The following PTPRD variants were observed in gnomAD, a reference collection of about 807,000 sequenced individuals.
PTPRD encodes protein tyrosine phosphatase receptor type D, also known as receptor-type tyrosine-protein phosphatase delta.
Under a neutral mutation model 214.5 loss-of-function variants are expected in PTPRD, and 34 were observed. That is an observed-to-expected ratio of 0.16 (90% CI 0.12 to 0.21). The LOEUF is 0.21. Among genes scored for constraint, PTPRD ranks in the 10% least tolerant of loss-of-function variants. The probability of loss-of-function intolerance (pLI) is 1.00; values close to 1 mark genes in which losing one functional copy is unlikely to be tolerated. For synonymous variants in PTPRD, 1,128 were observed against 845.7 expected (o/e 1.33, Z -5.79); for missense variants, 2,545 against 2,398.7 (o/e 1.06, Z -1.27).
At chr9:10,558,472 G>A (rs74800983) in intron 2 of PTPRD, among the ~76,000 whole-genome samples, 10 of 151,964 alleles carry the variant, frequency 6.6e-5, no homozygotes, top group Middle Eastern at 6.3e-3. Context: ...TCATCATGTT[G>A]TCTGAACCTT....
At chr9:9,122,856 C>G (rs370200781) in intron 10 of PTPRD, among the ~76,000 whole-genome samples, 2 of 152,162 alleles carry the variant, frequency 1.3e-5, no homozygotes, top group East Asian at 3.9e-4. Context: ...CAAACCCAAT[C>G]CCATTTCCAG....
At chr9:9,620,210 A>C (rs1225356934) in intron 7 of PTPRD, among the ~76,000 whole-genome samples, 1 of 152,116 alleles carries the variant, frequency 6.6e-6, no homozygotes, top group East Asian at 1.9e-4. Flanking sequence ...GCACAGCCCT[A>C]ATGTTGAAAT....
At chr9:9,470,207 T>A (rs112358120) in intron 8 of PTPRD, among the ~76,000 whole-genome samples, 2,719 of 152,280 alleles carry the variant, frequency 0.018, 68 homozygotes, top group African/African-American at 0.061. Flanking sequence ...ATTAGATTTA[T>A]ATTTGTATGG....
At chr9:10,300,009 T>G (rs1345674932) in intron 3 of PTPRD, among the ~76,000 whole-genome samples, 3 of 152,188 alleles carry the variant, frequency 2.0e-5, no homozygotes, top group Non-Finnish European at 4.4e-5. Context: ...TTATATTCAT[T>G]GCACTAATAA....
intron 7 of PTPRD, among the ~76,000 whole-genome samples, chr9:9,593,869 C>A (rs1051084340): frequency 2.0e-5 from 3 of 151,990 alleles, no homozygotes; most frequent in Non-Finnish European, 4.4e-5. Context: ...AGGAGTGACA[C>A]CCCTCATGAC....
At chr9:10,073,844 G>A (rs2098082386) in intron 3 of PTPRD, among the ~76,000 whole-genome samples, 1 of 152,078 alleles carries the variant, frequency 6.6e-6, no homozygotes, top group South Asian at 2.1e-4. Flanking sequence ...ACTGGGTTCT[G>A]AGAATTTTTG....
intron 2 of PTPRD, among the ~76,000 whole-genome samples, chr9:10,560,828 C>G (rs1030604831): frequency 6.6e-6 from 1 of 152,154 alleles, no homozygotes; most frequent in Non-Finnish European, 1.5e-5. Flanking sequence ...TCAATAGCAA[C>G]AGGATGCTAG....
intron 45 of PTPRD, among the ~76,000 whole-genome samples, chr9:8,318,766 C>T (rs548611168): frequency 9.3e-4 from 142 of 151,892 alleles, no homozygotes; most frequent in African/African-American, 1.6e-3. Flanking sequence ...TTTCAGACAA[C>T]GAAGAACACT....
At chr9:8,595,337 C>G (rs1260402304) in intron 14 of PTPRD, among the ~76,000 whole-genome samples, 1 of 151,998 alleles carries the variant, frequency 6.6e-6, no homozygotes, top group Non-Finnish European at 1.5e-5. Flanking sequence ...TGTTGACATA[C>G]AAAACCATAT....
intron 2 of PTPRD, among the ~76,000 whole-genome samples, chr9:10,588,637 T>A (rs1482463645): frequency 6.6e-6 from 1 of 152,034 alleles, no homozygotes; most frequent in Non-Finnish European, 1.5e-5. Flanking sequence ...TTGCTCAGTA[T>A]TTTAAAATTT....
chr9:9,625,014 G>A (rs2095373291), intron 7 of PTPRD, among the ~76,000 whole-genome samples: 1 of 152,058 alleles, frequency 6.6e-6, no homozygotes, highest in Non-Finnish European at 1.5e-5. Flanking sequence ...GATTTACAGG[G>A]CCAAAAATAA....
chr9:9,432,773 A>T (rs2083711583), intron 8 of PTPRD, among the ~76,000 whole-genome samples: 1 of 152,352 alleles, frequency 6.6e-6, no homozygotes, highest in East Asian at 1.9e-4. Context: ...GAAAAGAATA[A>T]GCCCTCAAAC....
At chr9:8,948,549 ATATT>A (rs2099084577) in intron 11 of PTPRD, among the ~76,000 whole-genome samples, 1 of 88,232 alleles carries the variant, frequency 1.1e-5, no homozygotes, top group African/African-American at 4.4e-5. Flanking sequence ...ATATTTATAT[ATATT>A]TATATATATT....
rs1237114594 is a variant in PTPRD at position 8,448,427 on chromosome 9, G to T, written c.3988+1298C>A. ...CTATTTCAAAAAGCGCTGACCCAAT[G>T]AAATTTACTACAGTAACTTAATTCA... is the stretch of plus-strand genomic sequence containing the variant. On this transcript the variant is annotated intron_variant, in intron 34 of 45. Transcript: ENST00000381196. Among the ~76,000 whole-genome samples, 3 of 152,172 alleles carry T rather than the reference G, an allele frequency of 2.0e-5. No individual in the cohort carries two copies. In the South Asian group the frequency reaches 6.2e-4, roughly 32 times the overall value.
intron 11 of PTPRD, among the ~76,000 whole-genome samples, chr9:8,767,608 C>G (rs2094861162): frequency 6.6e-6 from 1 of 152,144 alleles, no homozygotes; most frequent in South Asian, 2.1e-4. Context: ...CATGATCAAT[C>G]TTCAACAAAG....
intron 9 of PTPRD, among the ~76,000 whole-genome samples, chr9:9,318,630 C>G (rs541339499): frequency 6.6e-6 from 1 of 152,154 alleles, no homozygotes; most frequent in Non-Finnish European, 1.5e-5. Flanking sequence ...CACTTTTTCC[C>G]TTTATAAACA....
intron 3 of PTPRD, among the ~76,000 whole-genome samples, chr9:10,267,426 AG>A (rs2094144637): frequency 6.6e-6 from 1 of 152,136 alleles, no homozygotes; most frequent in African/African-American, 2.4e-5. Flanking sequence ...GTATTATTAG[AG>A]TCGTGGTTTA....
Position 10,070,038 on chromosome 9 carries a change from T to C in PTPRD, c.-544-36248A>G, listed in dbSNP as rs2097969609. 2.0e-5 allele frequency among the ~76,000 whole-genome samples: 3 copies of C among 152,008 alleles called. No homozygotes were observed. In the South Asian group the frequency reaches 6.2e-4, roughly 32 times the overall value. On this transcript the variant is annotated intron_variant, in intron 3 of 45. Coordinates refer to ENST00000381196, the MANE Select transcript of PTPRD (RefSeq NM_002839.4). ...AACCAAGACCTACTGATTCCAAATT[T>C]TTGGTGTGAAGCAGGGGAATGTCAA...
At chr9:9,916,558 C>T (rs1006237317) in intron 5 of PTPRD, among the ~76,000 whole-genome samples, 1 of 151,754 alleles carries the variant, frequency 6.6e-6, no homozygotes, top group Non-Finnish European at 1.5e-5. Flanking sequence ...TACATATATA[C>T]ATATATGTTG....
Sources: allele counts gnomAD v4.1 joint callset (sites outside exome capture counted in the v4.1 genomes callset), GRCh38; gene constraint gnomAD v4.1.1; transcripts MANE v1.5; gene names NCBI Gene and HGNC (gene_info 2026-07-23, HGNC 2026-07-21).